The following HELQ variants were observed in gnomAD, a reference collection of about 807,000 sequenced individuals.
The protein encoded by HELQ is helicase, POLQ like, also known as helicase POLQ-like.
Under a neutral mutation model 111.6 loss-of-function variants are expected in HELQ, and 77 were observed. The observed-to-expected ratio is 0.69, with a 90% CI of 0.57 to 0.83. The LOEUF (loss-of-function observed/expected upper bound fraction) is 0.83, where lower values mean the gene tolerates loss of function less well. HELQ is among the 40% of genes least tolerant of loss of function. The probability of loss-of-function intolerance (pLI) is 0.00; values close to 1 mark genes in which losing one functional copy is unlikely to be tolerated. For missense variants in HELQ, 1,200 were observed against 1,288.5 expected (o/e 0.93, Z 1.05); for synonymous variants, 438 against 454.7 (o/e 0.96, Z 0.47).
chr4:83,439,314 C>T (rs930199056), intron 8 of HELQ, among the ~76,000 whole-genome samples: 50 of 150,438 alleles, frequency 3.3e-4, no homozygotes, highest in African/African-American at 1.2e-3. Flanking sequence ...ATCCGCACAC[C>T]TTGGCTTCCC....
rs1164350334 is a variant in HELQ, at chr4:83,446,102, TA to T, written c.1393-17del. 2.5e-6 allele frequency: 4 copies of T among 1,585,092 alleles called. No homozygotes were observed. The highest frequency in any genetic ancestry group is 2.2e-5 in the South Asian group (2 of 90,316). ...TCATGTGCAACTTCGAGATTTTTTTTAAAAAGGACAGAGAAGTAAATCTTCA... is the reference window on the plus strand; with the variant it reads ...TCATGTGCAACTTCGAGATTTTTTTTAAAAGGACAGAGAAGTAAATCTTCA... On this transcript the variant is annotated splice_polypyrimidine_tract_variant and intron_variant, in intron 4 of 17. Coordinates refer to ENST00000295488, the MANE Select transcript of HELQ (RefSeq NM_133636.5).
At position 83,431,788 on chromosome 4, in the gene HELQ, A is replaced by G. The variant is rs769409390; in HGVS notation, c.2191-20T>C. On this transcript the variant is annotated intron_variant, in intron 10 of 17. Transcript: ENST00000295488. ...CAATACCTATAAAGGTTAAAGCAAA[A>G]CCATGCCTTGTGTTATTATTAAAAA... The G allele has an allele frequency of 1.0e-6, 1 of 996,392 alleles. No individual in the cohort carries two copies. Among genetic ancestry groups the G allele is most frequent in the South Asian group, 2.3e-5 (1 of 42,576 alleles). The allele number at this position is 996,392 out of a possible 1,614,324, so 61.7% of individuals were successfully genotyped here. A position where few individuals can be genotyped will look rare whatever the true frequency, so the allele number is the denominator to read the frequency against.
At chr4:83,409,006 G>A (rs1738946252) in intron 17 of HELQ, among the ~76,000 whole-genome samples, 1 of 152,122 alleles carries the variant, frequency 6.6e-6, no homozygotes, top group Admixed American at 6.5e-5. Flanking sequence ...CCTTTTGGAA[G>A]CTCAGCCATG....
chr4:83,439,703 C>A (rs1348701472), intron 8 of HELQ, among the ~76,000 whole-genome samples, 160 bp downstream of exon 8: 1 of 152,194 alleles, frequency 6.6e-6, no homozygotes, highest in Non-Finnish European at 1.5e-5. Context: ...TGATTTTTCA[C>A]AGTTAAAATT....
intron 15 of HELQ, among the ~76,000 whole-genome samples, chr4:83,419,644 G>T (rs1026638992): frequency 2.0e-5 from 3 of 151,266 alleles, no homozygotes. Context: ...CCTCATAGTC[G>T]CAATGAAAAC....
In HELQ at chr4:83,426,075, T is replaced by C. The variant is rs899365477; in HGVS notation, c.2694A>G (p.Pro898=). 2.5e-6 allele frequency: 4 copies of C among 1,600,762 alleles called. No homozygotes were observed. The highest frequency in any genetic ancestry group is 1.7e-5 in the Admixed American group (1 of 59,650). Residue 898 remains proline (P), a synonymous_variant, in exon 14 of 18, where the codon CCA becomes CCG. Transcript: ENST00000295488. The stretch of plus-strand genomic sequence containing the variant: ...GAATGGCAGCTACATTTTGTTCTGC[T>C]GGACTGAGTTGGCTAAACTACATGG... ...IYFRQFSQLS[P]AEQNVAAILG...
chr4:83,448,208 T>G (rs1423288606), intron 3 of HELQ, among the ~76,000 whole-genome samples: 2 of 151,162 alleles, frequency 1.3e-5, no homozygotes, highest in Non-Finnish European at 3.0e-5. Context: ...AGACTACATC[T>G]CAAAAAAGAA....
At chr4:83,434,325 C>T (rs921097508) in intron 9 of HELQ, among the ~76,000 whole-genome samples, 13 of 151,978 alleles carry the variant, frequency 8.6e-5, no homozygotes, top group African/African-American at 1.7e-4. Flanking sequence ...GAGCCGAGAC[C>T]GCACCACTGC....
intron 8 of HELQ, among the ~76,000 whole-genome samples, chr4:83,438,658 C>T (rs893386854): frequency 5.3e-5 from 8 of 150,064 alleles, no homozygotes; most frequent in Admixed American, 2.0e-4. Flanking sequence ...AGGAGGATCA[C>T]TTGAGCCCAG....
At chr4:83,417,455 G>C (rs1739424602) in intron 16 of HELQ, among the ~76,000 whole-genome samples, 1 of 152,026 alleles carries the variant, frequency 6.6e-6, no homozygotes. Context: ...CACCCACCTT[G>C]GCCTCCCAAA....
chr4:83,422,497 CAG>C (rs1719588895), intron 14 of HELQ, among the ~76,000 whole-genome samples: 1 of 152,094 alleles, frequency 6.6e-6, no homozygotes, highest in South Asian at 2.1e-4. Flanking sequence ...GGAGAAGACA[CAG>C]AGAGACACAG....
intron 1 of HELQ, 97 bp downstream of exon 1, chr4:83,455,300 G>C: frequency 6.5e-7 from 1 of 1,540,446 alleles, no homozygotes; most frequent in Non-Finnish European, 8.8e-7. Flanking sequence ...TGGTAACGAA[G>C]ACGAGAGAAG....
intron 15 of HELQ, among the ~76,000 whole-genome samples, chr4:83,418,642 T>C (rs1284748885): frequency 1.3e-5 from 2 of 152,226 alleles, no homozygotes; most frequent in Non-Finnish European, 2.9e-5. Context: ...AGTCAATAAC[T>C]GTTAAAGCTA....
rs768389007 is a variant in HELQ, at chr4:83,453,791, T to C, written c.452A>G (p.Glu151Gly). 8.7e-6 allele frequency: 14 copies of C among 1,614,224 alleles called. No individual in the cohort carries two copies. The Admixed American group carries it at 1.8e-4, about 21-fold the overall frequency. ...TDFATENLCS[E>G]SIKNKLSITT... ...AATGCTGAGTTTGTTTTTGATACTTTCCGAGCAAAGATTTTCAGTGGCAAA... is the reference window on the plus strand; with the variant it reads ...AATGCTGAGTTTGTTTTTGATACTTCCCGAGCAAAGATTTTCAGTGGCAAA... Residue 151 changes from glutamate to glycine, a missense_variant, in exon 2 of 18, where the codon GAA becomes GGA. Glu to Gly is a moderately conservative substitution (Grantham distance 98). Transcript: ENST00000295488.
In HELQ at chr4:83,439,931, G is replaced by A. The variant is rs1174919302; in HGVS notation, c.1740C>T (p.Cys580=). ...LVTEVIPNYS[C]LVFCPSKKNC... is the part of the protein sequence containing the mutation. ...TCTTCTTACTAGGACAAAAAACTAA[G>A]CAGGAATAATTGGGAATAACTTCTG... The change falls in exon 8 of 18, where the codon TGC becomes TGT. Residue 580 remains cysteine, a synonymous_variant. Transcript: ENST00000295488. The A allele has an allele frequency of 1.2e-6, 2 of 1,608,598 alleles. No homozygotes were observed. Among genetic ancestry groups the A allele is most frequent in the East Asian group, 2.2e-5 (1 of 44,718 alleles).
At position 83,455,470 on chromosome 4, in the gene HELQ, A is replaced by T. The variant is rs747239755; in HGVS notation, c.224T>A (p.Leu75His). 4.8e-5 allele frequency: 77 copies of T among 1,614,090 alleles called. No homozygotes were observed. The Admixed American group carries it at 1.3e-3, about 26-fold the overall frequency. The change falls in exon 1 of 18, where the codon CTC (leucine) becomes CAC (histidine). Residue 75 changes from leucine (L) to histidine (H), a missense_variant. Coordinates refer to ENST00000295488, the MANE Select transcript of HELQ (RefSeq NM_133636.5). Reference sequence around the variant, plus strand: ...GTTTGTATCACCACCTCCAAGGACGAGACATTCCGGGGAATCTGAGAGTAG... The same window carrying T: ...GTTTGTATCACCACCTCCAAGGACGTGACATTCCGGGGAATCTGAGAGTAG... ...PLLLSDSPEC[L>H]VLGGGDTNPD...
At chr4:83,437,306 GA>G (rs1256733109) in intron 8 of HELQ, among the ~76,000 whole-genome samples, 1 of 152,106 alleles carries the variant, frequency 6.6e-6, no homozygotes, top group Non-Finnish European at 1.5e-5. Context: ...AGAACCCTGT[GA>G]AAATCTTATC....
rs147277885 is a variant in HELQ, at chr4:83,416,463, C to T, written c.3198+268G>A. Among the ~76,000 whole-genome samples the T allele has an allele frequency of 4.6e-3, 706 of 152,200 alleles. 3 individuals carry two copies. The highest frequency in any genetic ancestry group is 6.3e-3 in the Non-Finnish European group (428 of 67,986). On this transcript the variant is annotated intron_variant, in intron 17 of 17. Transcript: ENST00000295488. ...CTCAAACTCCTGATTTCAAGCCATC[C>T]TCCCCATCTTGACCTTCCAAAGAGC... is the stretch of plus-strand genomic sequence containing the variant.
chr4:83,430,156 TA>T (rs397880201), intron 11 of HELQ, among the ~76,000 whole-genome samples: 4,156 of 136,584 alleles, frequency 0.03, 133 homozygotes, highest in African/African-American at 0.09. Context: ...AAAGTTGCAT[TA>T]AAAAAAAAAA....
Sources: allele counts gnomAD v4.1 joint callset (sites outside exome capture counted in the v4.1 genomes callset), GRCh38; gene constraint gnomAD v4.1.1; transcripts MANE v1.5; gene names NCBI Gene and HGNC (gene_info 2026-07-23, HGNC 2026-07-21).